The following RNPC3 variants were observed in gnomAD, a reference collection of about 807,000 sequenced individuals.
RNPC3 encodes the protein RNA-binding region-containing protein 3.
Under a neutral mutation model 67.5 loss-of-function variants are expected in RNPC3, and 48 were observed. That is an observed-to-expected ratio of 0.71 (90% CI 0.56 to 0.90). The LOEUF (loss-of-function observed/expected upper bound fraction) is 0.90, where lower values mean the gene tolerates loss of function less well. Among genes scored for constraint, RNPC3 ranks in the 40% least tolerant of loss-of-function variants. The pLI, the probability that RNPC3 is intolerant of heterozygous loss-of-function variation, is 0.00. For synonymous variants in RNPC3, 239 were observed against 210.3 expected, an observed-to-expected ratio of 1.14 and a Z score of -1.18; for missense variants, 637 against 626.1, an observed-to-expected ratio of 1.02 and a Z score of -0.19.
In RNPC3 at chr1:103,525,714, C is replaced by T. The variant is rs1407169958; in HGVS notation, c.-357C>T. On this transcript the variant is annotated 5_prime_UTR_variant, in exon 1 of 15. Coordinates refer to ENST00000423855, the MANE Select transcript of RNPC3 (RefSeq NM_017619.4). ...CCGCACATGCGCAGTCGTGAGTCCT[C>T]TTGTCCTTGAGCGTCAACCTTCTTT... is the stretch of plus-strand genomic sequence containing the variant. 1.2e-5 allele frequency: 2 copies of T among 160,480 alleles called. No homozygotes were observed. Among genetic ancestry groups the T allele is most frequent in the African/African-American group, 2.4e-5 (1 of 41,498 alleles). 9.9% of individuals were successfully genotyped at this position (160,480 alleles called of 1,614,324 possible). A position where few individuals can be genotyped will look rare whatever the true frequency, so the allele number is the denominator to read the frequency against.
intron 7 of RNPC3, among the ~76,000 whole-genome samples, chr1:103,539,518 TCTTTATAAAAATA>T (rs1336412333): frequency 6.6e-6 from 1 of 152,244 alleles, no homozygotes; most frequent in Non-Finnish European, 1.5e-5. Flanking sequence ...AACTTCACTT[TCTTTATAAAAATA>T]ATGATAGTAA....
chr1:103,543,414 G>A lies in RNPC3; in HGVS notation c.1012G>A (p.Glu338Lys). The change falls in exon 9 of 15, where the codon GAA (glutamate) becomes AAA (lysine). Residue 338 changes from glutamate to lysine, a missense_variant. Transcript: ENST00000423855. Reference protein sequence around the residue: ...DMPAAFKKDLEKEQNCEEKNH... With the variant: ...DMPAAFKKDLKKEQNCEEKNH... ...GCCAGCTGCATTTAAGAAAGATTTAGAAAAGGAACAAAATTGTGAGGAAAA... is the reference window on the plus strand; with the variant it reads ...GCCAGCTGCATTTAAGAAAGATTTAAAAAAGGAACAAAATTGTGAGGAAAA... The A allele has an allele frequency of 2.0e-6, 3 of 1,513,998 alleles. No individual in the cohort carries two copies. The highest frequency in any genetic ancestry group is 2.2e-5 in the Admixed American group (1 of 46,498). 93.8% of individuals were successfully genotyped at this position (1,513,998 alleles called of 1,614,324 possible).
chr1:103,527,864 A>G (rs1161894188), intron 2 of RNPC3, 122 bp downstream of exon 2: 1 of 662,988 alleles, frequency 1.5e-6, no homozygotes, highest in Non-Finnish European at 2.6e-6. Flanking sequence ...AGTTTCCCCA[A>G]CAGACTACAT....
At chr1:103,539,859 T>A (rs1018215565) in intron 7 of RNPC3, among the ~76,000 whole-genome samples, 10 of 152,132 alleles carry the variant, frequency 6.6e-5, no homozygotes, top group Non-Finnish European at 7.4e-5. Flanking sequence ...TTGCTTGTTT[T>A]CTTTCTTTCT....
In RNPC3 at chr1:103,551,065, A is replaced by T. The variant is rs896778133; in HGVS notation, c.1486A>T (p.Met496Leu). The change falls in exon 13 of 15, where the codon ATG becomes TTG. Residue 496 changes from methionine (M) to leucine (L), a missense_variant. This residue lies in a region of RNPC3 where 96 missense variants were observed against 105.8 expected (regional missense o/e 0.91). Coordinates refer to ENST00000423855, the MANE Select transcript of RNPC3 (RefSeq NM_017619.4). ...TGGATATGTGCTTTTTGGAAAACCC[A>T]TGGTGGTTGTATCCTTTAAATCCAT... ...ANGYVLFGKP[M>L]VVQFARSARP... is the part of the protein sequence containing the mutation. The T allele has an allele frequency of 1.9e-6, 3 of 1,609,856 alleles. No homozygotes were observed. Among genetic ancestry groups the T allele is most frequent in the Non-Finnish European group, 2.5e-6 (3 of 1,177,924 alleles).
intron 6 of RNPC3, among the ~76,000 whole-genome samples, chr1:103,536,802 A>C (rs1392987152): frequency 1.3e-5 from 2 of 151,798 alleles, no homozygotes; most frequent in Non-Finnish European, 2.9e-5. Context: ...TAACCCCAAC[A>C]CCTACTCAAT....
chr1:103,526,366 C>T, intron 1 of RNPC3, 104 bp downstream of exon 1: 2 of 930,702 alleles, frequency 2.1e-6, no homozygotes, highest in South Asian at 1.8e-5. Context: ...GGAAGATGGA[C>T]TTGTGTGATG....
intron 7 of RNPC3, among the ~76,000 whole-genome samples, chr1:103,538,495 A>G (rs1315988366): frequency 6.6e-6 from 1 of 152,224 alleles, no homozygotes; most frequent in African/African-American, 2.4e-5. Flanking sequence ...CTGTGAGTCA[A>G]TGTTAATGAA....
At chr1:103,530,644 G>T (rs1479802838) in intron 2 of RNPC3, among the ~76,000 whole-genome samples, 2 of 152,130 alleles carry the variant, frequency 1.3e-5, no homozygotes, top group Non-Finnish European at 2.9e-5. Context: ...AGCCATTGGA[G>T]CAAGGGGGTG....
chr1:103,544,037 A>C (rs1037570753), intron 9 of RNPC3, among the ~76,000 whole-genome samples: 1 of 151,758 alleles, frequency 6.6e-6, no homozygotes, highest in African/African-American at 2.4e-5. Context: ...GAAATAATAC[A>C]AGTTGATAGA....
chr1:103,532,673 C>A (rs1650887084), intron 2 of RNPC3, among the ~76,000 whole-genome samples: 1 of 151,946 alleles, frequency 6.6e-6, no homozygotes, highest in Non-Finnish European at 1.5e-5. Flanking sequence ...GGAGTACAAA[C>A]CAGCGAGCTA....
At position 103,525,915 on chromosome 1, in the gene RNPC3, C is replaced by T; in HGVS notation, c.-156C>T. On this transcript the variant is annotated 5_prime_UTR_variant, in exon 1 of 15. Coordinates refer to ENST00000423855, the MANE Select transcript of RNPC3 (RefSeq NM_017619.4). ...GAAGGGTTGCCGCTTTTCGGTGGCG[C>T]AGTTCTCGCGAGAAGGTGACTTTCT... 1.6e-6 allele frequency: 1 copy of T among 630,412 alleles called. No homozygotes were observed. The highest frequency in any genetic ancestry group is 2.7e-6 in the Non-Finnish European group (1 of 369,994). 39.1% of individuals were successfully genotyped at this position (630,412 alleles called of 1,614,324 possible).
chr1:103,548,774 T>C (rs1278035307), intron 12 of RNPC3, among the ~76,000 whole-genome samples: 2 of 152,182 alleles, frequency 1.3e-5, no homozygotes, highest in African/African-American at 4.8e-5. Context: ...ACTGTATTAG[T>C]CTGTTTTCAC....
chr1:103,543,979 G>GAT (rs1469015833), intron 9 of RNPC3, among the ~76,000 whole-genome samples: 3 of 151,716 alleles, frequency 2.0e-5, no homozygotes, highest in African/African-American at 4.8e-5. Flanking sequence ...TGAACTTGAT[G>GAT]ATATAATGGT....
chr1:103,546,143 G>T, intron 10 of RNPC3, 105 bp from the exon 11 acceptor site: 1 of 480,868 alleles, frequency 2.1e-6, no homozygotes, highest in Non-Finnish European at 3.5e-6. Flanking sequence ...TTTTCATAAA[G>T]CTTATTTTGT....
At chr1:103,546,197 C>A in intron 10 of RNPC3, 51 bp from the exon 11 acceptor site, 1 of 875,342 alleles carries the variant, frequency 1.1e-6, no homozygotes, top group Non-Finnish European at 1.6e-6. Context: ...TCTTTAAAAA[C>A]TTGCTTAAAA....
At chr1:103,541,289 G>C in intron 7 of RNPC3, 61 bp from the exon 8 acceptor site, 2 of 1,243,272 alleles carry the variant, frequency 1.6e-6, no homozygotes, top group Non-Finnish European at 2.1e-6. Context: ...AATAGAAACA[G>C]TGGTAAATAG....
chr1:103,551,091 C>G lies in RNPC3; in HGVS notation c.1494+18C>G. The G allele has an allele frequency of 3.2e-6, 5 of 1,575,368 alleles. No individual in the cohort carries two copies. Among genetic ancestry groups the G allele is most frequent in the Non-Finnish European group, 4.3e-6 (5 of 1,159,904 alleles). On this transcript the variant is annotated intron_variant, in intron 13 of 14. Transcript: ENST00000423855. Reference sequence around the variant, plus strand: ...TGGTGGTTGTATCCTTTAAATCCATCTATTTCAAAACTATATAATTTTTAG... The same window carrying G: ...TGGTGGTTGTATCCTTTAAATCCATGTATTTCAAAACTATATAATTTTTAG...
chr1:103,537,677 G>C (rs1448434982), intron 7 of RNPC3, among the ~76,000 whole-genome samples, 193 bp downstream of exon 7: 2 of 152,020 alleles, frequency 1.3e-5, no homozygotes, highest in African/African-American at 2.4e-5. Context: ...CAAGACCTAA[G>C]TGAAAATTTT....
Sources: gnomAD v4.1 joint callset for allele counts (sites outside exome capture counted in the v4.1 genomes callset) on GRCh38, gnomAD v4.1.1 for gene constraint, gnomAD v4.1.1 regional missense constraint, MANE v1.5 for transcripts, NCBI Gene and HGNC (gene_info 2026-07-23, HGNC 2026-07-21) for gene names.